Variants in VOPP1 observed in about 807,000 individuals in gnomAD.
The protein encoded by VOPP1 is VOPP1 WW domain binding protein, also known as WW domain binding protein VOPP1.
In VOPP1, 8 loss-of-function variants were observed where a neutral mutation model predicts 23.5. The observed-to-expected ratio is 0.34, with a 90% CI of 0.20 to 0.61. The LOEUF is 0.61. Among genes scored for constraint, VOPP1 ranks in the 20% least tolerant of loss-of-function variants. VOPP1 has a pLI of 0.78. For synonymous variants in VOPP1, 83 were observed against 97.3 expected (o/e 0.85, Z 0.86); for missense variants, 174 against 238.1 (o/e 0.73, Z 1.77).
intron 2 of VOPP1, 110 bp downstream of exon 2, chr7:55,520,962 G>A: frequency 8.5e-7 from 1 of 1,181,854 alleles, no homozygotes; most frequent in Non-Finnish European, 1.2e-6. Flanking sequence ...CCGCAGCAGA[G>A]GCTGGGCCAC....
intron 4 of VOPP1, among the ~76,000 whole-genome samples, chr7:55,479,279 A>G (rs921201852): frequency 4.0e-5 from 6 of 151,472 alleles, no homozygotes; most frequent in Non-Finnish European, 5.9e-5. Flanking sequence ...AGCGTTAGGT[A>G]TATCTCCTAA....
At chr7:55,560,863 C>T (rs73141723) in intron 1 of VOPP1, among the ~76,000 whole-genome samples, 418 of 152,240 alleles carry the variant, frequency 2.7e-3, no homozygotes, top group Middle Eastern at 0.017. Flanking sequence ...CAACCATCTT[C>T]TAATTTTACA....
At chr7:55,453,053 CTG>C (rs74531695) in intron 4 of VOPP1, among the ~76,000 whole-genome samples, 45,066 of 152,020 alleles carry the variant, frequency 0.3, 7,535 homozygotes, top group East Asian at 0.51. Context: ...CATGTAAACT[CTG>C]TTGTCGAGTG....
chr7:55,569,730 G>A (rs759018277), intron 1 of VOPP1, among the ~76,000 whole-genome samples: 3 of 152,176 alleles, frequency 2.0e-5, no homozygotes, highest in Non-Finnish European at 4.4e-5. Flanking sequence ...ATGTCTAACA[G>A]GTAAGTAAAT....
chr7:55,572,377 C>G lies in VOPP1; in HGVS notation c.-53G>C. 2 of 1,240,190 alleles carry G rather than the reference C, an allele frequency of 1.6e-6. No individual in the cohort carries two copies. The highest frequency in any genetic ancestry group is 2.0e-6 in the Non-Finnish European group (2 of 982,524). 76.8% of individuals were successfully genotyped at this position (1,240,190 alleles called of 1,614,324 possible). ...CGGACGCCGGGTCGCAGGCGCGCTTCGCGACTCGGCCCCCGCGCGGGGCGG... is the reference window on the plus strand; with the variant it reads ...CGGACGCCGGGTCGCAGGCGCGCTTGGCGACTCGGCCCCCGCGCGGGGCGG... On this transcript the variant is annotated 5_prime_UTR_variant, in exon 1 of 5. Transcript: ENST00000285279.
At chr7:55,523,567 CCAT>C (rs1205155856) in intron 1 of VOPP1, among the ~76,000 whole-genome samples, 1 of 152,170 alleles carries the variant, frequency 6.6e-6, no homozygotes, top group East Asian at 1.9e-4. Context: ...TTACCCAGCC[CCAT>C]CACATACCAG....
intron 1 of VOPP1, among the ~76,000 whole-genome samples, chr7:55,531,959 C>T (rs569810942): frequency 6.6e-6 from 1 of 152,246 alleles, no homozygotes; most frequent in South Asian, 2.1e-4. Context: ...ACAGAAATGC[C>T]CAGAAAGATT....
intron 1 of VOPP1, among the ~76,000 whole-genome samples, chr7:55,554,508 T>G (rs1797735291): frequency 6.6e-6 from 1 of 152,032 alleles, no homozygotes; most frequent in Admixed American, 6.6e-5. Context: ...CTGGACTGAG[T>G]CAGGAATAGA....
intron 4 of VOPP1, among the ~76,000 whole-genome samples, chr7:55,484,661 A>C (rs960973941): frequency 5.9e-5 from 9 of 152,222 alleles, no homozygotes; most frequent in African/African-American, 1.9e-4. Flanking sequence ...AAGCTAATTA[A>C]CAAAAAAGAG....
chr7:55,468,224 T>C (rs141305490), downstream of VOPP1, among the ~76,000 whole-genome samples: 659 of 147,960 alleles, frequency 4.5e-3, 4 homozygotes, highest in South Asian at 0.015. Flanking sequence ...TGAGCTGAGA[T>C]TGCACCACTG....
chr7:55,564,131 C>G (rs541361486), intron 1 of VOPP1, among the ~76,000 whole-genome samples: 19 of 152,286 alleles, frequency 1.2e-4, no homozygotes, highest in Middle Eastern at 3.4e-3. Context: ...CACAGCTTCA[C>G]TCACCGCAGG....
chr7:55,527,780 T>A (rs1052931892), intron 1 of VOPP1, among the ~76,000 whole-genome samples: 3 of 152,014 alleles, frequency 2.0e-5, no homozygotes, highest in Non-Finnish European at 2.9e-5. Context: ...AAAAATAAAG[T>A]GATAGATATG....
At chr7:55,514,040 C>A (rs893951912) in intron 2 of VOPP1, among the ~76,000 whole-genome samples, 61 of 152,234 alleles carry the variant, frequency 4.0e-4, no homozygotes, top group African/African-American at 1.5e-3. Flanking sequence ...TGAAGCCAGG[C>A]TCCCAGATCC....
chr7:55,529,350 G>T (rs1796363840), intron 1 of VOPP1, among the ~76,000 whole-genome samples: 1 of 131,442 alleles, frequency 7.6e-6, no homozygotes, highest in South Asian at 2.7e-4. Context: ...GGGTGACAGA[G>T]CAAGATTCCG....
intron 1 of VOPP1, among the ~76,000 whole-genome samples, chr7:55,554,150 T>C (rs375121116): frequency 2.0e-5 from 3 of 152,260 alleles, no homozygotes; most frequent in East Asian, 1.9e-4. Context: ...TATTGAGAGA[T>C]AGTCCCTAAA....
chr7:55,473,397 A>G (rs1791991026), intron 4 of VOPP1, among the ~76,000 whole-genome samples: 1 of 152,182 alleles, frequency 6.6e-6, no homozygotes. Flanking sequence ...TTATCGCAGG[A>G]GCTCCACAAC....
intron 4 of VOPP1, among the ~76,000 whole-genome samples, chr7:55,475,747 A>G (rs892423368): frequency 1.3e-5 from 2 of 152,238 alleles, no homozygotes; most frequent in Non-Finnish European, 2.9e-5. Flanking sequence ...GGTTGCAGAA[A>G]GACTTTCTCC....
chr7:55,563,112 A>G (rs1361814796), intron 1 of VOPP1, among the ~76,000 whole-genome samples: 1 of 152,230 alleles, frequency 6.6e-6, no homozygotes, highest in Non-Finnish European at 1.5e-5. Flanking sequence ...ATGTGCAATA[A>G]AAATGATAAA....
At chr7:55,455,162 T>G (rs1404662494) in intron 4 of VOPP1, among the ~76,000 whole-genome samples, 1 of 151,838 alleles carries the variant, frequency 6.6e-6, no homozygotes, top group South Asian at 2.1e-4. Flanking sequence ...TACACACCAA[T>G]ACAGACAAAC....
Sources: gnomAD v4.1 joint callset for allele counts (sites outside exome capture counted in the v4.1 genomes callset) on GRCh38, gnomAD v4.1.1 for gene constraint, MANE v1.5 for transcripts, NCBI Gene and HGNC (gene_info 2026-07-23, HGNC 2026-07-21) for gene names.